The following FAM184B variants were observed in gnomAD, a reference collection of about 807,000 sequenced individuals.
FAM184B encodes the protein family with sequence similarity 184 member B.
In FAM184B, 111 loss-of-function variants were observed where a neutral mutation model predicts 135.9. The observed-to-expected ratio is 0.82, with a 90% CI of 0.70 to 0.96. The LOEUF (loss-of-function observed/expected upper bound fraction) is 0.96. FAM184B is among the 40% of genes least tolerant of loss of function. The pLI, the probability that FAM184B is intolerant of heterozygous loss-of-function variation, is 0.00. For missense variants in FAM184B, 1,375 were observed against 1,323.9 expected (o/e 1.04, Z -0.60); for synonymous variants, 552 against 524.8 (o/e 1.05, Z -0.71).
rs548007223 is a variant in FAM184B at position 17,705,747 on chromosome 4, A to G, written c.1170+5T>C. 12 of 1,551,586 alleles carry G rather than the reference A, an allele frequency of 7.7e-6. No individual in the cohort carries two copies. The highest frequency in any genetic ancestry group is 1.0e-5 in the Non-Finnish European group (12 of 1,146,984). On this transcript the variant is annotated splice_donor_5th_base_variant and intron_variant, in intron 4 of 17. Coordinates refer to ENST00000265018, the MANE Select transcript of FAM184B (RefSeq NM_015688.2). ...CTCCATCCCCAGGGCTGGGTCAGAC[A>G]CTACCTGCATATCTGTGCCTCCTTT... is the stretch of plus-strand genomic sequence containing the variant.
chr4:17,672,117 A>G (rs528545327), intron 7 of FAM184B, among the ~76,000 whole-genome samples: 1 of 152,316 alleles, frequency 6.6e-6, no homozygotes, highest in Non-Finnish European at 1.5e-5. Flanking sequence ...CAAATTGTCA[A>G]AGGTCAAAGA....
intron 7 of FAM184B, among the ~76,000 whole-genome samples, chr4:17,667,406 T>C (rs1189635533): frequency 6.6e-6 from 1 of 152,222 alleles, no homozygotes; most frequent in African/African-American, 2.4e-5. Flanking sequence ...TAGAAGCCCT[T>C]TGTGCCTTTA....
chr4:17,684,633 A>G (rs1716535402), intron 7 of FAM184B, among the ~76,000 whole-genome samples: 1 of 152,236 alleles, frequency 6.6e-6, no homozygotes, highest in South Asian at 2.1e-4. Context: ...TGCACACATG[A>G]CTGCAGAATG....
chr4:17,692,171 G>A (rs7688682), intron 6 of FAM184B, among the ~76,000 whole-genome samples: 90,622 of 151,676 alleles, frequency 0.6, 27,657 homozygotes, highest in East Asian at 0.87. Context: ...TCAACAGGGC[G>A]AGAGGAAGAG....
At chr4:17,769,341 T>C (rs187717386) in intron 1 of FAM184B, among the ~76,000 whole-genome samples, 132 of 152,338 alleles carry the variant, frequency 8.7e-4, no homozygotes, top group African/African-American at 2.7e-3. Context: ...ACTATACTTA[T>C]AGATTTAGGT....
At chr4:17,637,352 AGAG>A (rs1715174406) in intron 14 of FAM184B, among the ~76,000 whole-genome samples, 1 of 152,214 alleles carries the variant, frequency 6.6e-6, no homozygotes, top group Non-Finnish European at 1.5e-5. Context: ...GCGTGAAGCC[AGAG>A]AAGAGTAACT....
At chr4:17,762,342 A>G (rs947334400) in intron 1 of FAM184B, among the ~76,000 whole-genome samples, 2 of 152,198 alleles carry the variant, frequency 1.3e-5, no homozygotes, top group African/African-American at 4.8e-5. Flanking sequence ...AAATTCAATG[A>G]CTTACAATAA....
rs775877096 is a variant in FAM184B at position 17,642,205 on chromosome 4, G to C, written c.2370C>G (p.Ala790=). 4.0e-6 allele frequency: 6 copies of C among 1,514,874 alleles called. No homozygotes were observed. Among genetic ancestry groups the C allele is most frequent in the African/African-American group, 1.4e-5 (1 of 70,204 alleles). 93.8% of individuals were successfully genotyped at this position (1,514,874 alleles called of 1,614,324 possible). A position where few individuals can be genotyped will look rare whatever the true frequency, so the allele number is the denominator to read the frequency against. The change falls in exon 13 of 18, where the codon GCC becomes GCG. Residue 790 remains alanine (A), a synonymous_variant. Coordinates refer to ENST00000265018, the MANE Select transcript of FAM184B (RefSeq NM_015688.2). ...ATEERGGPGQ[A]GSPPGAAGQG... is the part of the protein sequence containing the mutation. ...GCCCAGCAGCGCCCGGTGGGGAGCC[G>C]GCCTGGCCCGGGCCGCCCCGCTCCT...
intron 13 of FAM184B, among the ~76,000 whole-genome samples, chr4:17,640,299 C>T (rs1476575988): frequency 1.5e-5 from 2 of 130,698 alleles, no homozygotes; most frequent in East Asian, 2.6e-4. Flanking sequence ...GGTGAAACCT[C>T]GTCTCTACTA....
chr4:17,648,355 A>AT (rs113298578), intron 11 of FAM184B, among the ~76,000 whole-genome samples: 3,628 of 149,914 alleles, frequency 0.024, 138 homozygotes, highest in African/African-American at 0.084. Flanking sequence ...ACTCTTTTTT[A>AT]TTTTTTTTTG....
intron 1 of FAM184B, among the ~76,000 whole-genome samples, chr4:17,738,094 G>A (rs1717950452): frequency 6.6e-6 from 1 of 152,100 alleles, no homozygotes; most frequent in African/African-American, 2.4e-5. Flanking sequence ...CTAAGACTGG[G>A]CTGATGATAG....
intron 5 of FAM184B, among the ~76,000 whole-genome samples, chr4:17,701,189 T>A (rs988556105): frequency 3.9e-5 from 6 of 152,170 alleles, no homozygotes; most frequent in African/African-American, 1.4e-4. Context: ...CCTGCATTGC[T>A]CGAAACATAA....
intron 1 of FAM184B, among the ~76,000 whole-genome samples, chr4:17,727,328 G>A (rs566962455): frequency 6.6e-6 from 1 of 152,190 alleles, no homozygotes; most frequent in Non-Finnish European, 1.5e-5. Flanking sequence ...GCTGACAAGA[G>A]ACCTGAGTCC....
chr4:17,772,591 C>G (rs2108998167), intron 1 of FAM184B, among the ~76,000 whole-genome samples: 1 of 152,352 alleles, frequency 6.6e-6, no homozygotes, highest in Middle Eastern at 3.4e-3. Flanking sequence ...TTCCTCAAAG[C>G]TAGACTCATC....
intron 9 of FAM184B, 90 bp downstream of exon 9, chr4:17,659,868 T>C (rs910186624): frequency 2.6e-5 from 38 of 1,476,356 alleles, no homozygotes; most frequent in Non-Finnish European, 3.5e-5. Flanking sequence ...AGCTTGGATG[T>C]GAATCAGGCC....
Position 17,709,324 on chromosome 4 carries a change from G to T in FAM184B, c.462C>A (p.Leu154=). The T allele has an allele frequency of 6.5e-7, 1 of 1,550,196 alleles. No homozygotes were observed. Among genetic ancestry groups the T allele is most frequent in the Non-Finnish European group, 8.7e-7 (1 of 1,146,214 alleles). The part of the protein sequence containing the change: ...VLTLSREMLE[L]KADYERRLQH... ...GGAGCCTCCTCTCGTAGTCAGCCTT[G>T]AGCTCCAGCATTTCCCTGGAGAGCG... Residue 154 remains leucine (L), a synonymous_variant, in exon 2 of 18, where the codon CTC becomes CTA. Transcript: ENST00000265018.
intron 7 of FAM184B, among the ~76,000 whole-genome samples, chr4:17,688,179 C>A (rs867834193): frequency 4.6e-5 from 7 of 152,168 alleles, no homozygotes; most frequent in Middle Eastern, 3.4e-3. Flanking sequence ...AGAGAGAGAG[C>A]GGAGACTCAT....
At chr4:17,724,825 A>T (rs767269584) in intron 1 of FAM184B, among the ~76,000 whole-genome samples, 7 of 152,082 alleles carry the variant, frequency 4.6e-5, no homozygotes, top group Non-Finnish European at 1.5e-5. Flanking sequence ...GTCCTGCCTA[A>T]ATATTTCTGG....
intron 1 of FAM184B, among the ~76,000 whole-genome samples, chr4:17,756,426 A>G (rs892580606): frequency 3.9e-5 from 6 of 152,210 alleles, no homozygotes; most frequent in Non-Finnish European, 8.8e-5. Context: ...ATAATTATCT[A>G]AATTTACAAT....
Sources: allele counts gnomAD v4.1 joint callset (sites outside exome capture counted in the v4.1 genomes callset), GRCh38; gene constraint gnomAD v4.1.1; transcripts MANE v1.5; gene names NCBI Gene and HGNC (gene_info 2026-07-23, HGNC 2026-07-21).